KDM4C: variants seen among roughly 807,000 people sequenced by gnomAD.
The protein encoded by KDM4C is lysine-specific demethylase 4C.
In KDM4C, 81 loss-of-function variants were observed where a neutral mutation model predicts 129.3. The observed-to-expected ratio is 0.63, with a 90% confidence interval of 0.52 to 0.75. The LOEUF (loss-of-function observed/expected upper bound fraction) is 0.75, where lower values mean the gene tolerates loss of function less well. Among genes scored for constraint, KDM4C ranks in the 30% least tolerant of loss-of-function variants. The probability of loss-of-function intolerance (pLI) is 0.00; values close to 1 mark genes in which losing one functional copy is unlikely to be tolerated. For synonymous variants in KDM4C, 573 were observed against 456.1 expected, an observed-to-expected ratio of 1.26 and a Z score of -3.26; for missense variants, 1,457 against 1,304.0, an observed-to-expected ratio of 1.12 and a Z score of -1.81.
At chr9:7,137,875 G>C (rs1173145140) in intron 19 of KDM4C, among the ~76,000 whole-genome samples, 1 of 152,138 alleles carries the variant, frequency 6.6e-6, no homozygotes, top group Admixed American at 6.5e-5. Context: ...TTCGACCATG[G>C]GATTTAAATT....
chr9:7,014,796 G>T (rs911906186), intron 14 of KDM4C, among the ~76,000 whole-genome samples: 2 of 152,038 alleles, frequency 1.3e-5, no homozygotes, highest in Non-Finnish European at 2.9e-5. Flanking sequence ...GGTTGAAACA[G>T]CTTCCTCATC....
At chr9:7,027,800 C>G (rs181258832) in intron 15 of KDM4C, among the ~76,000 whole-genome samples, 2 of 152,194 alleles carry the variant, frequency 1.3e-5, no homozygotes, top group Non-Finnish European at 1.5e-5. Context: ...GGCACTCAAA[C>G]CAGAAGACAC....
At chr9:6,985,008 T>C (rs1285164809) in intron 10 of KDM4C, among the ~76,000 whole-genome samples, 2 of 152,212 alleles carry the variant, frequency 1.3e-5, no homozygotes, top group Non-Finnish European at 2.9e-5. Context: ...AATAAGCTAA[T>C]TCCTGTGTTC....
intron 18 of KDM4C, among the ~76,000 whole-genome samples, chr9:7,114,900 A>G (rs1838727252): frequency 6.6e-6 from 1 of 152,094 alleles, no homozygotes; most frequent in Non-Finnish European, 1.5e-5. Flanking sequence ...GCAACACAAC[A>G]AAAACCCATC....
chr9:7,138,947 C>T (rs1175410024), intron 19 of KDM4C, among the ~76,000 whole-genome samples: 1 of 152,162 alleles, frequency 6.6e-6, no homozygotes, highest in African/African-American at 2.4e-5. Flanking sequence ...GTTTTTAAAA[C>T]ATGCTAGATA....
At chr9:6,874,723 A>G (rs1383836912) in intron 5 of KDM4C, among the ~76,000 whole-genome samples, 1 of 152,252 alleles carries the variant, frequency 6.6e-6, no homozygotes, top group East Asian at 1.9e-4. Context: ...TTCGTAGGCA[A>G]CATAGCTCTG....
chr9:6,752,440 C>A (rs1350465494), intron 1 of KDM4C, among the ~76,000 whole-genome samples: 1 of 127,416 alleles, frequency 7.8e-6, no homozygotes, highest in Non-Finnish European at 1.6e-5. Context: ...GGTGGAGTTT[C>A]GCTCTTGTTG....
chr9:7,144,664 C>T (rs528136364), intron 19 of KDM4C, among the ~76,000 whole-genome samples: 1 of 152,364 alleles, frequency 6.6e-6, no homozygotes, highest in Non-Finnish European at 1.5e-5. Flanking sequence ...ACATTTCTTT[C>T]CCCTTTCCCG....
Position 6,880,067 on chromosome 9 carries a change from A to G in KDM4C, c.679+6A>G. The G allele has an allele frequency of 6.3e-7, 1 of 1,586,770 alleles. No individual in the cohort carries two copies. Among genetic ancestry groups the G allele is most frequent in the South Asian group, 1.1e-5 (1 of 88,314 alleles). On this transcript the variant is annotated splice_donor_region_variant and intron_variant, in intron 6 of 21. Coordinates refer to ENST00000381309, the MANE Select transcript of KDM4C (RefSeq NM_015061.6). ...ACTTGAAAGACTAGCTCAAGGTAAA[A>G]CTTGCTTTTTAAATTTGTTTTCTGT...
chr9:7,018,424 A>C (rs1429912659), intron 15 of KDM4C, among the ~76,000 whole-genome samples: 1 of 152,248 alleles, frequency 6.6e-6, no homozygotes, highest in Non-Finnish European at 1.5e-5. Flanking sequence ...ACAGCCAGGA[A>C]GTCCTGCTTC....
chr9:6,843,994 C>T lies in KDM4C; in HGVS notation c.436-5513C>T, dbSNP rs530883604. Among the ~76,000 whole-genome samples, 7 of 152,150 alleles carry T rather than the reference C, an allele frequency of 4.6e-5. 1 individual carries two copies. The South Asian group carries it at 6.2e-4, about 14-fold the overall frequency. Reference sequence around the variant, plus strand: ...GACCTGTGGCATGTGTCACCATACCCGGCTATTTTTTAAAATTTTTGGTAG... The same window carrying T: ...GACCTGTGGCATGTGTCACCATACCTGGCTATTTTTTAAAATTTTTGGTAG... On this transcript the variant is annotated intron_variant, in intron 4 of 21. Transcript: ENST00000381309.
At chr9:7,015,327 T>C (rs1205247013) in intron 14 of KDM4C, among the ~76,000 whole-genome samples, 1 of 152,154 alleles carries the variant, frequency 6.6e-6, no homozygotes, top group East Asian at 1.9e-4. Context: ...TTGCTATGTA[T>C]ATTTGCATCA....
intron 1 of KDM4C, among the ~76,000 whole-genome samples, chr9:6,760,033 C>T (rs2130402213): frequency 6.6e-6 from 1 of 151,648 alleles, no homozygotes; most frequent in Admixed American, 6.6e-5. Flanking sequence ...CAACCATCAC[C>T]ACAATGAATT....
intron 15 of KDM4C, among the ~76,000 whole-genome samples, chr9:7,040,180 T>C (rs1828317955): frequency 6.6e-6 from 1 of 152,084 alleles, no homozygotes; most frequent in African/African-American, 2.4e-5. Context: ...GCACTTCCCT[T>C]TGATTTGTGG....
chr9:6,776,005 C>T (rs980056778), intron 1 of KDM4C, among the ~76,000 whole-genome samples: 2 of 152,198 alleles, frequency 1.3e-5, no homozygotes, highest in African/African-American at 4.8e-5. Context: ...TGGTTGAGAA[C>T]CATTGTTACT....
At chr9:7,151,927 A>G (rs1308469626) in intron 19 of KDM4C, among the ~76,000 whole-genome samples, 1 of 152,252 alleles carries the variant, frequency 6.6e-6, no homozygotes, top group Non-Finnish European at 1.5e-5. Context: ...GAAGGGGCAC[A>G]GAATTGGTTC....
At chr9:7,092,395 G>C (rs574890233) in intron 17 of KDM4C, among the ~76,000 whole-genome samples, 1 of 152,088 alleles carries the variant, frequency 6.6e-6, no homozygotes, top group African/African-American at 2.4e-5. Context: ...ATCATGAACC[G>C]CAAGTGTTAC....
chr9:7,037,661 A>C (rs1827881671), intron 15 of KDM4C, among the ~76,000 whole-genome samples: 1 of 152,146 alleles, frequency 6.6e-6, no homozygotes, highest in Non-Finnish European at 1.5e-5. Flanking sequence ...AAGGGACCTC[A>C]TCAGGAAAAG....
intron 1 of KDM4C, among the ~76,000 whole-genome samples, chr9:6,774,498 C>G (rs946549721): frequency 2.0e-5 from 3 of 152,030 alleles, no homozygotes; most frequent in Non-Finnish European, 2.9e-5. Context: ...GACCCTGTCT[C>G]TACTAAAAAT....
Sources: gnomAD v4.1 joint callset for allele counts (sites outside exome capture counted in the v4.1 genomes callset) on GRCh38, gnomAD v4.1.1 for gene constraint, MANE v1.5 for transcripts, NCBI Gene and HGNC (gene_info 2026-07-23, HGNC 2026-07-21) for gene names.